Variants in USP31 observed in about 807,000 individuals in gnomAD.
USP31 encodes ubiquitin specific peptidase 31, also known as ubiquitin carboxyl-terminal hydrolase 31.
In USP31, 44 loss-of-function variants were observed where a neutral mutation model predicts 119.4. That is an observed-to-expected ratio of 0.37 (90% CI 0.29 to 0.47). USP31 has a LOEUF of 0.47. USP31 is among the 20% of genes least tolerant of loss of function. USP31 has a pLI of 0.99. For synonymous variants in USP31, 749 were observed against 705.6 expected (o/e 1.06, Z -0.97); for missense variants, 1,643 against 1,730.2 (o/e 0.95, Z 0.89).
intron 6 of USP31, 136 bp downstream of exon 6, chr16:23,102,183 C>T: frequency 1.0e-6 from 1 of 975,316 alleles, no homozygotes. Flanking sequence ...ACCATTATAC[C>T]ATCATTAAAA....
At chr16:23,146,284 T>G (rs1903500962) in intron 1 of USP31, among the ~76,000 whole-genome samples, 1 of 151,912 alleles carries the variant, frequency 6.6e-6, no homozygotes, top group Non-Finnish European at 1.5e-5. Context: ...TCCTGATCAT[T>G]CTCCCTTTCT....
chr16:23,082,532 C>T lies in USP31; in HGVS notation c.1856G>A (p.Cys619Tyr), dbSNP rs778676330. 1 of 1,614,186 alleles carries T rather than the reference C, an allele frequency of 6.2e-7. No homozygotes were observed. Among genetic ancestry groups the T allele is most frequent in the South Asian group, 1.1e-5 (1 of 91,084 alleles). The change falls in exon 12 of 16, where the codon TGC becomes TAC. Residue 619 changes from cysteine (C) to tyrosine (Y), a missense_variant. Physicochemically the swap from Cys to Tyr is radical, Grantham distance 194. Transcript: ENST00000219689. ...CTGCTGCAGCTGCTTACAGTGTGGG[C>T]AACGCCAGGCATCATCGGGGGCAAG... ...ERLAPDDAWR[C>Y]PHCKQLQQGS...
At chr16:23,089,991 A>C (rs1427602846) in intron 7 of USP31, among the ~76,000 whole-genome samples, 1 of 152,242 alleles carries the variant, frequency 6.6e-6, no homozygotes, top group African/African-American at 2.4e-5. Flanking sequence ...ACAATTAAAA[A>C]AATAAAAATA....
chr16:23,142,543 C>T (rs1340739162), intron 1 of USP31, among the ~76,000 whole-genome samples: 1 of 152,220 alleles, frequency 6.6e-6, no homozygotes, highest in African/African-American at 2.4e-5. Flanking sequence ...CCAGTTTGTG[C>T]ACCAGCAGTG....
chr16:23,069,918 A>G (rs1225050867), intron 15 of USP31, among the ~76,000 whole-genome samples: 1 of 152,204 alleles, frequency 6.6e-6, no homozygotes, highest in African/African-American at 2.4e-5. Flanking sequence ...TAGACAGCAG[A>G]TGTTAGGCTT....
intron 12 of USP31, 51 bp downstream of exon 12, chr16:23,082,387 T>C: frequency 6.2e-7 from 1 of 1,607,888 alleles, no homozygotes; most frequent in South Asian, 1.1e-5. Flanking sequence ...GCAGGGGGCA[T>C]AAGAAACTTG....
At chr16:23,145,097 GC>G (rs1903468303) in intron 1 of USP31, among the ~76,000 whole-genome samples, 2 of 152,010 alleles carry the variant, frequency 1.3e-5, no homozygotes, top group Non-Finnish European at 2.9e-5. Flanking sequence ...AAAACCACAC[GC>G]CCTTTCATGC....
chr16:23,137,352 A>T (rs1047192276), intron 1 of USP31, among the ~76,000 whole-genome samples: 1 of 152,360 alleles, frequency 6.6e-6, no homozygotes, highest in South Asian at 2.1e-4. Context: ...TGAGAATGTA[A>T]AATGGTGCAG....
rs13332790 is a variant in USP31, at chr16:23,113,694, G to A, written c.634-5511C>T. Among the ~76,000 whole-genome samples the A allele has an allele frequency of 9.2e-3, 1,406 of 152,252 alleles. 18 individuals carry two copies. Among genetic ancestry groups the A allele is most frequent in the African/African-American group, 0.029 (1,220 of 41,546 alleles). ...CCAGAGATCATTCTTCATCACCAAG[G>A]AGCTCAGTTATAACAGAATGGAGGA... is the stretch of plus-strand genomic sequence containing the variant. On this transcript the variant is annotated intron_variant, in intron 1 of 15. Transcript: ENST00000219689.
intron 1 of USP31, among the ~76,000 whole-genome samples, chr16:23,137,926 A>G (rs1017781628): frequency 1.3e-5 from 2 of 152,194 alleles, no homozygotes; most frequent in Non-Finnish European, 2.9e-5. Flanking sequence ...CATGTAAAAA[A>G]TGTTTTACAA....
intron 9 of USP31, among the ~76,000 whole-genome samples, chr16:23,086,775 A>T (rs986466020): frequency 6.6e-6 from 1 of 152,196 alleles, no homozygotes; most frequent in Admixed American, 6.5e-5. Flanking sequence ...AAGGGTTTTA[A>T]GGAAGAATGT....
chr16:23,082,223 T>C (rs1046353097), intron 12 of USP31, among the ~76,000 whole-genome samples: 1 of 152,124 alleles, frequency 6.6e-6, no homozygotes, highest in African/African-American at 2.4e-5. Flanking sequence ...ACAAGTCAAG[T>C]AAAATATCTG....
chr16:23,125,923 T>C (rs918086470), intron 1 of USP31, among the ~76,000 whole-genome samples: 1 of 152,190 alleles, frequency 6.6e-6, no homozygotes, highest in Non-Finnish European at 1.5e-5. Context: ...GCTCCCATCA[T>C]TGCTCAAAGT....
chr16:23,079,897 C>G (rs761564461), intron 13 of USP31, 49 bp downstream of exon 13: 1 of 1,498,072 alleles, frequency 6.7e-7, no homozygotes, highest in African/African-American at 1.4e-5. Flanking sequence ...CAAGCAAACC[C>G]GTCTGAAGGA....
chr16:23,069,985 G>A (rs749935680), intron 15 of USP31, among the ~76,000 whole-genome samples: 5 of 152,230 alleles, frequency 3.3e-5, no homozygotes, highest in African/African-American at 7.2e-5. Flanking sequence ...CAGGTGACAC[G>A]TAAGAAAACG....
intron 13 of USP31, among the ~76,000 whole-genome samples, chr16:23,075,171 C>T (rs1223019683): frequency 1.3e-5 from 2 of 152,162 alleles, no homozygotes; most frequent in Non-Finnish European, 2.9e-5. Context: ...CTTGCCGGAA[C>T]CAGAAGGGAA....
chr16:23,108,918 C>T (rs1223760583), intron 1 of USP31, among the ~76,000 whole-genome samples: 1 of 152,166 alleles, frequency 6.6e-6, no homozygotes, highest in Non-Finnish European at 1.5e-5. Context: ...ATTCATCACT[C>T]ATCAACAAAG....
chr16:23,105,508 G>GGTAC lies in USP31; in HGVS notation c.1018_1021dup (p.Pro341ArgfsTer23). On this transcript the variant is annotated frameshift_variant, in exon 5 of 16. Coordinates refer to ENST00000219689, the MANE Select transcript of USP31 (RefSeq NM_020718.4). LOFTEE classifies it high-confidence loss of function. The stretch of plus-strand genomic sequence containing the variant: ...AAGTCTGGCGACAGTCCCAGACAGA[G>GGTAC]GTACGGCCACACCAATCCTCATGCA... 2 of 1,614,102 alleles carry GGTAC rather than the reference G, an allele frequency of 1.2e-6. No homozygotes were observed. Among genetic ancestry groups the GGTAC allele is most frequent in the Non-Finnish European group, 1.7e-6 (2 of 1,180,008 alleles).
rs1197873723 is a variant in USP31, at chr16:23,062,398, A to G, written c.*5648T>C. 6.6e-6 allele frequency: 1 copy of G among 152,546 alleles called. No homozygotes were observed. The highest frequency in any genetic ancestry group is 6.5e-5 in the Admixed American group (1 of 15,274). The allele number at this position is 152,546 out of a possible 1,614,324, so 9.4% of individuals were successfully genotyped here. ...TTTTTTTTTAAAAAAAAGACACCAA[A>G]GAAAATGTTTCACATTCATTTTCAA... On this transcript the variant is annotated 3_prime_UTR_variant, in exon 16 of 16. Coordinates refer to ENST00000219689, the MANE Select transcript of USP31 (RefSeq NM_020718.4).
Sources: gnomAD v4.1 joint callset for allele counts (sites outside exome capture counted in the v4.1 genomes callset) on GRCh38, gnomAD v4.1.1 for gene constraint, MANE v1.5 for transcripts, NCBI Gene and HGNC (gene_info 2026-07-23, HGNC 2026-07-21) for gene names.